PIKFYVE: variants seen among roughly 807,000 people sequenced by gnomAD.
The protein encoded by PIKFYVE is phosphoinositide kinase, FYVE-type zinc finger containing.
PIKFYVE carries 122 observed loss-of-function variants against 257.9 expected under a neutral mutation model. That is an observed-to-expected ratio of 0.47 (90% CI 0.41 to 0.55). The LOEUF (loss-of-function observed/expected upper bound fraction) is 0.55. PIKFYVE is among the 20% of genes least tolerant of loss of function. The pLI is 0.00. For missense variants in PIKFYVE, 2,160 were observed against 2,536.6 expected (o/e 0.85, Z 3.19); for synonymous variants, 892 against 868.9 (o/e 1.03, Z -0.47).
chr2:208,308,907 C>T (rs1202022344), intron 12 of PIKFYVE, among the ~76,000 whole-genome samples: 2 of 152,016 alleles, frequency 1.3e-5, no homozygotes, highest in Non-Finnish European at 2.9e-5. Flanking sequence ...AGGGTTTCAC[C>T]CTGTTGGTCA....
intron 25 of PIKFYVE, 27 bp downstream of exon 25, chr2:208,335,446 T>C: frequency 6.9e-7 from 1 of 1,441,488 alleles, no homozygotes; most frequent in Non-Finnish European, 9.8e-7. Context: ...TTATCATCTT[T>C]TTTTGTTTAT....
intron 7 of PIKFYVE, among the ~76,000 whole-genome samples, chr2:208,291,498 A>G (rs190342466): frequency 7.2e-4 from 109 of 152,198 alleles, no homozygotes; most frequent in Admixed American, 2.2e-3. Flanking sequence ...ACTGAGTTAG[A>G]AAGTATTTCC....
intron 17 of PIKFYVE, among the ~76,000 whole-genome samples, chr2:208,322,193 A>G (rs1696322700): frequency 6.6e-6 from 1 of 151,800 alleles, no homozygotes; most frequent in Non-Finnish European, 1.5e-5. Flanking sequence ...CAGCCTGGGT[A>G]ACATAGTGAG....
Position 208,326,240 on chromosome 2 carries a change from C to A in PIKFYVE, c.3429C>A (p.Gly1143=). 6.3e-7 allele frequency: 1 copy of A among 1,590,846 alleles called. No individual in the cohort carries two copies. ...LVSTRIAEHL[G]DSQSLGRMLA... is the part of the protein sequence containing the mutation. ...GCACTAGAATTGCTGAGCATCTGGGCGATAGCCAGAGCTTGGGTAGAATGC... is the reference window on the plus strand; with the variant it reads ...GCACTAGAATTGCTGAGCATCTGGGAGATAGCCAGAGCTTGGGTAGAATGC... Residue 1143 remains glycine, a synonymous_variant, in exon 20 of 42, where the codon GGC becomes GGA. Coordinates refer to ENST00000264380, the MANE Select transcript of PIKFYVE (RefSeq NM_015040.4).
intron 1 of PIKFYVE, among the ~76,000 whole-genome samples, chr2:208,268,404 A>G (rs1323364669): frequency 7.0e-6 from 1 of 142,276 alleles, no homozygotes; most frequent in Non-Finnish European, 1.5e-5. Flanking sequence ...CCATCACATT[A>G]TCGTTTCTCT....
intron 28 of PIKFYVE, among the ~76,000 whole-genome samples, chr2:208,337,615 C>T (rs1306297934): frequency 2.0e-5 from 3 of 151,926 alleles, no homozygotes; most frequent in African/African-American, 7.3e-5. Flanking sequence ...ATAGATATAT[C>T]TATACCTAGA....
rs753471448 is a variant in PIKFYVE, at chr2:208,325,409, T to G, written c.2598T>G (p.Ser866=). 21 of 1,614,216 alleles carry G rather than the reference T, an allele frequency of 1.3e-5. No individual in the cohort carries two copies. Among genetic ancestry groups the G allele is most frequent in the Non-Finnish European group, 1.7e-5 (20 of 1,180,034 alleles). Residue 866 remains serine, a synonymous_variant, in exon 20 of 42, where the codon TCT becomes TCG. Coordinates refer to ENST00000264380, the MANE Select transcript of PIKFYVE (RefSeq NM_015040.4). Reference sequence around the variant, plus strand: ...TTATGATCTGTGTTGCTTATCATTCTCAACTAGAAATATCCTTTCTCATGG... The same window carrying G: ...TTATGATCTGTGTTGCTTATCATTCGCAACTAGAAATATCCTTTCTCATGG... ...LIFMICVAYH[S]QLEISFLMDE...
intron 8 of PIKFYVE, among the ~76,000 whole-genome samples, 154 bp downstream of exon 8, chr2:208,298,933 C>T (rs1297533831): frequency 6.6e-6 from 1 of 152,114 alleles, no homozygotes; most frequent in Non-Finnish European, 1.5e-5. Context: ...ACCTCTGCCT[C>T]TCAGATTCAA....
intron 6 of PIKFYVE, among the ~76,000 whole-genome samples, chr2:208,286,879 G>A (rs376497474): frequency 1.1e-4 from 17 of 152,050 alleles, no homozygotes; most frequent in South Asian, 4.1e-4. Context: ...AAATCTGGCC[G>A]TTACAAAGAG....
chr2:208,307,384 A>G (rs1369022498), intron 12 of PIKFYVE, among the ~76,000 whole-genome samples: 2 of 152,190 alleles, frequency 1.3e-5, no homozygotes, highest in Non-Finnish European at 2.9e-5. Context: ...TTAAGAGGAA[A>G]GTGAAGTTCA....
At chr2:208,302,201 C>T (rs772550645) in intron 9 of PIKFYVE, 41 bp from the exon 10 acceptor site, 1 of 1,563,048 alleles carries the variant, frequency 6.4e-7, no homozygotes, top group South Asian at 1.1e-5. Flanking sequence ...ACTATTCTGA[C>T]TGACTTTTAA....
At chr2:208,351,201 A>T (rs1699743266) in intron 37 of PIKFYVE, 151 bp from the exon 38 acceptor site, 2 of 850,018 alleles carry the variant, frequency 2.4e-6, no homozygotes, top group East Asian at 5.3e-5. Context: ...TTAATTGAGA[A>T]TTGTGTTCTG....
At chr2:208,324,585 G>A (rs1696699180) in intron 18 of PIKFYVE, among the ~76,000 whole-genome samples, 1 of 152,070 alleles carries the variant, frequency 6.6e-6, no homozygotes, top group Non-Finnish European at 1.5e-5. Context: ...AGCAGAAGAC[G>A]TTCTCTCCCT....
In PIKFYVE at chr2:208,325,924, GA is replaced by G; in HGVS notation, c.3116del (p.Lys1039ArgfsTer11). ...GAAGTCACCTCCTCTGAAGATAAAC[GA>G]AAGACTTATTCTTTGGCCTTTAAGC... ...TEEVTSSEDK[R>X]KTYSLAFKQE... On this transcript the variant is annotated frameshift_variant, in exon 20 of 42. Transcript: ENST00000264380. LOFTEE classifies it high-confidence loss of function. 6.2e-7 allele frequency: 1 copy of G among 1,614,074 alleles called. No homozygotes were observed. Among genetic ancestry groups the G allele is most frequent in the Non-Finnish European group, 8.5e-7 (1 of 1,179,964 alleles).
intron 23 of PIKFYVE, among the ~76,000 whole-genome samples, chr2:208,331,373 A>C (rs890874284): frequency 5.3e-5 from 8 of 151,996 alleles, no homozygotes; most frequent in South Asian, 2.1e-4. Context: ...TACTACCTTA[A>C]TTAGGTTCTT....
chr2:208,351,749 G>A (rs1253044746), intron 38 of PIKFYVE, among the ~76,000 whole-genome samples: 1 of 152,066 alleles, frequency 6.6e-6, no homozygotes, highest in Non-Finnish European at 1.5e-5. Context: ...TTGGGGGTGG[G>A]GGAAAGTGCT....
At chr2:208,324,388 T>C (rs934626578) in intron 18 of PIKFYVE, 106 bp downstream of exon 18, 1 of 1,242,498 alleles carries the variant, frequency 8.0e-7, no homozygotes, top group Admixed American at 2.0e-5. Flanking sequence ...GCTGTTCTAT[T>C]TGTATTGAAA....
chr2:208,319,885 A>G (rs959845012), intron 16 of PIKFYVE, among the ~76,000 whole-genome samples: 1 of 152,118 alleles, frequency 6.6e-6, no homozygotes, highest in Non-Finnish European at 1.5e-5. Flanking sequence ...ATGCTTTTAA[A>G]GTTGCTTATT....
At chr2:208,280,812 C>T (rs1337790496) in intron 5 of PIKFYVE, among the ~76,000 whole-genome samples, 2 of 152,160 alleles carry the variant, frequency 1.3e-5, no homozygotes, top group African/African-American at 2.4e-5. Flanking sequence ...GTTGACTGCC[C>T]ATCTACTTCA....
Sources: gnomAD v4.1 joint callset for allele counts (sites outside exome capture counted in the v4.1 genomes callset) on GRCh38, gnomAD v4.1.1 for gene constraint, MANE v1.5 for transcripts, NCBI Gene and HGNC (gene_info 2026-07-23, HGNC 2026-07-21) for gene names.